The following FRMPD4 variants were observed in gnomAD, a reference collection of about 807,000 sequenced individuals.
FRMPD4 encodes FERM and PDZ domain-containing protein 4.
A neutral mutation model predicts 94.1 loss-of-function variants in FRMPD4; 22 were observed. The ratio of observed to expected loss-of-function variants is 0.23; its 90% CI spans 0.17 to 0.33. FRMPD4 has a LOEUF of 0.33. Ranked by LOEUF, FRMPD4 falls within the 10% of genes least tolerant of loss-of-function variation. The pLI, the probability that FRMPD4 is intolerant of heterozygous loss-of-function variation, is 1.00. For synonymous variants in FRMPD4, 631 were observed against 548.6 expected (o/e 1.15, Z -2.10); for missense variants, 1,111 against 1,339.9 (o/e 0.83, Z 2.67).
intron 1 of FRMPD4, among the ~76,000 whole-genome samples, chrX:12,306,908 A>G (rs948836400): frequency 1.8e-5 from 2 of 112,290 alleles, no homozygotes; most frequent in African/African-American, 6.5e-5. Context: ...ATGAGTGTAG[A>G]TGGTGGATGT....
chrX:12,691,439 T>C (rs2060080020), intron 8 of FRMPD4, among the ~76,000 whole-genome samples: 1 of 111,055 alleles, frequency 9.0e-6, no homozygotes, highest in African/African-American at 3.3e-5. Flanking sequence ...TGAGCCCCCA[T>C]GCCTGGCCTC....
At chrX:12,519,387 T>C (rs1460839356) in intron 2 of FRMPD4, among the ~76,000 whole-genome samples, 1 of 112,131 alleles carries the variant, frequency 8.9e-6, no homozygotes, top group African/African-American at 3.2e-5. Flanking sequence ...ACCAGAAATA[T>C]ACCTTCACAT....
At chrX:12,501,049 A>G (rs1230661150) in intron 2 of FRMPD4, among the ~76,000 whole-genome samples, 1 of 112,289 alleles carries the variant, frequency 8.9e-6, no homozygotes, top group Non-Finnish European at 1.9e-5. Context: ...CAATAGGTGG[A>G]AACCCAAACT....
At chrX:12,180,150 T>C (rs1428172015) in intron 1 of FRMPD4, among the ~76,000 whole-genome samples, 3 of 111,619 alleles carry the variant, frequency 2.7e-5, no homozygotes, top group Non-Finnish European at 5.7e-5. Context: ...TACTGTCCAA[T>C]ATGGTAGCCA....
At chrX:12,175,156 T>A (rs1018632968) in intron 1 of FRMPD4, among the ~76,000 whole-genome samples, 3 of 112,279 alleles carry the variant, frequency 2.7e-5, no homozygotes, top group Non-Finnish European at 3.8e-5. Flanking sequence ...AGGATTTGTT[T>A]AAAGTTTTCT....
intron 1 of FRMPD4, among the ~76,000 whole-genome samples, chrX:12,307,638 C>T (rs1348673626): frequency 2.7e-5 from 3 of 111,939 alleles, no homozygotes; most frequent in Non-Finnish European, 5.6e-5. Flanking sequence ...AGTCTGTATA[C>T]ATGAGTGTAT....
At chrX:11,864,228 G>T (rs1007549881) in intron 1 of FRMPD4, among the ~76,000 whole-genome samples, 2 of 109,747 alleles carry the variant, frequency 1.8e-5, no homozygotes, top group Non-Finnish European at 3.8e-5. Flanking sequence ...TAACTGAAAT[G>T]AATAAATAAA....
intron 1 of FRMPD4, among the ~76,000 whole-genome samples, chrX:12,149,716 G>C (rs1384669678): frequency 8.9e-6 from 1 of 112,608 alleles, no homozygotes; most frequent in Non-Finnish European, 1.9e-5. Context: ...CAGGGTGTGA[G>C]AGGATTGACT....
chrX:12,224,040 C>A (rs2056897108), intron 1 of FRMPD4, among the ~76,000 whole-genome samples: 1 of 109,449 alleles, frequency 9.1e-6, no homozygotes, highest in Non-Finnish European at 1.9e-5. Flanking sequence ...TATCCCTGGC[C>A]TCTATCTAGT....
chrX:12,696,708 A>G (rs2060136960), intron 9 of FRMPD4, among the ~76,000 whole-genome samples: 1 of 111,527 alleles, frequency 9.0e-6, no homozygotes. Context: ...AAAAAGAAGC[A>G]TTTGTTAACT....
chrX:12,720,038 AGGAAAGGAAAGG>A (rs2042197475), intron 16 of FRMPD4, among the ~76,000 whole-genome samples: 1 of 48,373 alleles, frequency 2.1e-5, no homozygotes, highest in Non-Finnish European at 3.8e-5. Context: ...AGGAAAGGAA[AGGAAAGGAAAGG>A]AAAGAAAGAA....
At chrX:11,857,163 T>C (rs1255833993) in intron 1 of FRMPD4, among the ~76,000 whole-genome samples, 1 of 111,890 alleles carries the variant, frequency 8.9e-6, no homozygotes, top group African/African-American at 3.2e-5. Flanking sequence ...ATGCTATTCC[T>C]ATTAAACTAC....
At chrX:11,822,769 A>C (rs1281737987) in intron 1 of FRMPD4, among the ~76,000 whole-genome samples, 1 of 112,030 alleles carries the variant, frequency 8.9e-6, no homozygotes, top group Non-Finnish European at 1.9e-5. Context: ...TGGGGAGGCC[A>C]ATCAAAAATC....
chrX:12,437,433 G>T (rs1265155444), intron 1 of FRMPD4, among the ~76,000 whole-genome samples: 1 of 109,855 alleles, frequency 9.1e-6, no homozygotes, highest in Non-Finnish European at 1.9e-5. Context: ...CTACCTGCCT[G>T]TCTTACCCAT....
chrX:12,506,172 T>C lies in FRMPD4; in HGVS notation c.158+7376T>C, dbSNP rs770612029. ...TTTAGGACCTGTTGCAAAATGAAAA[T>C]GCAGGCCCCTTGTTCAAAAAGCAGG... On this transcript the variant is annotated intron_variant, in intron 2 of 16. Coordinates refer to ENST00000675598, the MANE Select transcript of FRMPD4 (RefSeq NM_001368397.1). Among the ~76,000 whole-genome samples, 4 of 111,968 alleles carry C rather than the reference T, an allele frequency of 3.6e-5. No homozygotes were observed. The Admixed American group carries it at 3.8e-4, about 11-fold the overall frequency.
At chrX:12,026,503 A>G (rs752090719) in intron 3 of FRMPD4, among the ~76,000 whole-genome samples, 1 of 112,381 alleles carries the variant, frequency 8.9e-6, no homozygotes, top group African/African-American at 3.2e-5. Flanking sequence ...TACCCAATAT[A>G]CTAATGATTT....
intron 3 of FRMPD4, among the ~76,000 whole-genome samples, chrX:11,913,748 C>A (rs1013237556): frequency 4.5e-5 from 5 of 111,989 alleles, no homozygotes; most frequent in African/African-American, 1.6e-4. Context: ...CAGATAAAAT[C>A]TGATTTTGTT....
At chrX:12,060,098 T>A (rs2054876481) in intron 3 of FRMPD4, among the ~76,000 whole-genome samples, 1 of 111,036 alleles carries the variant, frequency 9.0e-6, no homozygotes, top group Non-Finnish European at 1.9e-5. Flanking sequence ...ATCATTAATA[T>A]GTATTCTTTG....
Position 12,642,519 on chromosome X carries a change from T to C in FRMPD4, c.422+27638T>C, listed in dbSNP as rs774932284. Reference sequence around the variant, plus strand: ...AGAGATAGAAGCAGGAGCAAGGTGATTGAGGGTCTTCTAGAGTAGCAGTTG... The same window carrying C: ...AGAGATAGAAGCAGGAGCAAGGTGACTGAGGGTCTTCTAGAGTAGCAGTTG... On this transcript the variant is annotated intron_variant, in intron 4 of 16. Coordinates refer to ENST00000675598, the MANE Select transcript of FRMPD4 (RefSeq NM_001368397.1). Among the ~76,000 whole-genome samples, 9 of 112,489 alleles carry C rather than the reference T, an allele frequency of 8.0e-5. No homozygotes were observed. The South Asian group carries it at 2.2e-3, about 28-fold the overall frequency.
Sources: allele counts gnomAD v4.1 joint callset (sites outside exome capture counted in the v4.1 genomes callset), GRCh38; gene constraint gnomAD v4.1.1; transcripts MANE v1.5; gene names NCBI Gene and HGNC (gene_info 2026-07-23, HGNC 2026-07-21).